TNKS1BP1: variants seen among roughly 807,000 people sequenced by gnomAD.
TNKS1BP1 encodes 182 kDa tankyrase-1-binding protein.
A neutral mutation model predicts 141.1 loss-of-function variants in TNKS1BP1; 48 were observed. The observed-to-expected ratio is 0.34, with a 90% CI of 0.27 to 0.43. The LOEUF is 0.43. Ranked by LOEUF, TNKS1BP1 falls within the 20% of genes least tolerant of loss-of-function variation. The pLI is 1.00. For missense variants in TNKS1BP1, 2,149 were observed against 2,226.0 expected, an observed-to-expected ratio of 0.97 and a Z score of 0.70; for synonymous variants, 875 against 898.2, an observed-to-expected ratio of 0.97 and a Z score of 0.46.
At position 57,308,703 on chromosome 11, in the gene TNKS1BP1, TCCCCGTAG is replaced by T; in HGVS notation, c.4000_4007del (p.Leu1334MetfsTer25). 6.2e-7 allele frequency: 1 copy of T among 1,608,746 alleles called. No individual in the cohort carries two copies. Among genetic ancestry groups the T allele is most frequent in the Non-Finnish European group, 8.5e-7 (1 of 1,177,746 alleles). On this transcript the variant is annotated frameshift_variant, in exon 6 of 12. Transcript: ENST00000358252. LOFTEE classifies it high-confidence loss of function. Reference sequence around the variant, plus strand: ...TCCAGTCCATCTGCCCCACTCCACATCCCCGTAGCCCCTGAGAACCTCCAGAGTCTGGG... The same window carrying T: ...TCCAGTCCATCTGCCCCACTCCACATCCCCTGAGAACCTCCAGAGTCTGGG...
At chr11:57,310,836 C>T (rs1042964094) in intron 5 of TNKS1BP1, among the ~76,000 whole-genome samples, 3 of 152,166 alleles carry the variant, frequency 2.0e-5, no homozygotes, top group Non-Finnish European at 2.9e-5. Flanking sequence ...GGCACTCAAT[C>T]GATGGTCCCA....
intron 5 of TNKS1BP1, chr11:57,311,337 G>A: frequency 2.0e-6 from 2 of 985,780 alleles, no homozygotes; most frequent in Non-Finnish European, 2.4e-6. Context: ...TAGACATGCT[G>A]GCCTCCCCAT....
At position 57,301,822 on chromosome 11, in the gene TNKS1BP1, G is replaced by T; in HGVS notation, c.4956C>A (p.Ser1652Arg). 1 of 1,614,048 alleles carries T rather than the reference G, an allele frequency of 6.2e-7. No homozygotes were observed. Among genetic ancestry groups the T allele is most frequent in the South Asian group, 1.1e-5 (1 of 91,074 alleles). ...CAGATGGTACCTTCAGGGCTGAGGG[G>T]CTCAGGCCAGGAAAGAGGTTGACTT... is the stretch of plus-strand genomic sequence containing the variant. ...GLKVNLFPGL[S>R]PSALKAKLRP... The change falls in exon 9 of 12, where the codon AGC (serine) becomes AGA (arginine). Residue 1652 changes from serine (S) to arginine (R), a missense_variant. Physicochemically the swap from Ser to Arg is moderately radical, Grantham distance 110 (BLOSUM62 -1). Coordinates refer to ENST00000358252, the MANE Select transcript of TNKS1BP1 (RefSeq NM_033396.3).
At position 57,320,380 on chromosome 11, in the gene TNKS1BP1, G is replaced by A. The variant is rs1448251223; in HGVS notation, c.427C>T (p.Arg143Trp). 2.9e-5 allele frequency: 47 copies of A among 1,613,806 alleles called. No homozygotes were observed. Among genetic ancestry groups the A allele is most frequent in the Middle Eastern group, 1.6e-4 (1 of 6,080 alleles). ...PARCAAPGGV[R>W]KAPAPFRPAS... ...GGGCGGAAAGGGGCAGGGGCCTTCC[G>A]TACACCCCCTGGGGCTGCACATCGA... is the stretch of plus-strand genomic sequence containing the variant. The change falls in exon 3 of 12, where the codon CGG (arginine) becomes TGG (tryptophan). Residue 143 changes from arginine (R) to tryptophan (W), a missense_variant. Coordinates refer to ENST00000358252, the MANE Select transcript of TNKS1BP1 (RefSeq NM_033396.3).
intron 1 of TNKS1BP1, 65 bp from the exon 2 acceptor site, chr11:57,322,015 G>A: frequency 7.9e-7 from 1 of 1,269,146 alleles, no homozygotes; most frequent in South Asian, 1.5e-5. Context: ...TTAGCAGAGA[G>A]AAGTCTCCTA....
At chr11:57,300,819 G>C in intron 10 of TNKS1BP1, 65 bp downstream of exon 10, 1 of 1,568,896 alleles carries the variant, frequency 6.4e-7, no homozygotes, top group Non-Finnish European at 8.7e-7. Flanking sequence ...TGTGAAGTGA[G>C]AGTTTCCCTT....
chr11:57,308,278 C>T (rs1855643002), intron 6 of TNKS1BP1, 117 bp downstream of exon 6: 7 of 1,418,500 alleles, frequency 4.9e-6, no homozygotes, highest in Admixed American at 2.4e-5. Context: ...GTCTCAATTA[C>T]CCAAACACTA....
At chr11:57,310,931 T>C (rs1306121057) in intron 5 of TNKS1BP1, among the ~76,000 whole-genome samples, 1 of 152,160 alleles carries the variant, frequency 6.6e-6, no homozygotes. Context: ...GGCAGTGCAC[T>C]TTCCTTTTGA....
At chr11:57,301,223 C>T (rs887340636) in intron 9 of TNKS1BP1, among the ~76,000 whole-genome samples, 182 bp from the exon 10 acceptor site, 1 of 152,140 alleles carries the variant, frequency 6.6e-6, no homozygotes, top group African/African-American at 2.4e-5. Context: ...CTGAGCTATG[C>T]CTTGCACACC....
intron 6 of TNKS1BP1, among the ~76,000 whole-genome samples, chr11:57,307,950 T>G (rs1042287444): frequency 1.3e-5 from 2 of 152,220 alleles, no homozygotes; most frequent in African/African-American, 4.8e-5. Flanking sequence ...TGGGTTCCAC[T>G]GTCCACTCCA....
At chr11:57,315,065 T>C (rs1855777073) in intron 4 of TNKS1BP1, among the ~76,000 whole-genome samples, 1 of 152,170 alleles carries the variant, frequency 6.6e-6, no homozygotes, top group African/African-American at 2.4e-5. Context: ...TTGTGATAGC[T>C]TACAGTCATC....
At position 57,312,642 on chromosome 11, in the gene TNKS1BP1, G is replaced by T; in HGVS notation, c.2046C>A (p.Ser682=). 1 of 1,583,464 alleles carries T rather than the reference G, an allele frequency of 6.3e-7. No individual in the cohort carries two copies. The highest frequency in any genetic ancestry group is 8.6e-7 in the Non-Finnish European group (1 of 1,165,252). Residue 682 remains serine, a synonymous_variant, in exon 5 of 12, where the codon TCC becomes TCA. Transcript: ENST00000358252. ...AAGCCAGGAGGTCGTCCAGCCAGCG[G>T]GAGCTGCTTTCAGGGCCTGGAGGCT... ...SPEPPGPESS[S]RWLDDLLASP...
intron 1 of TNKS1BP1, chr11:57,322,427 T>G: frequency 1.9e-6 from 1 of 516,838 alleles, no homozygotes; most frequent in Non-Finnish European, 2.5e-6. Context: ...CTTCCCTCTC[T>G]CCCTCCCTCC....
rs764368912 is a variant in TNKS1BP1 at position 57,308,517 on chromosome 11, C to A, written c.4194G>T (p.Glu1398Asp). The A allele has an allele frequency of 1.9e-6, 3 of 1,614,088 alleles. No homozygotes were observed. In the African/African-American group the frequency reaches 4.0e-5, roughly 22 times the overall value. ...LEARDPLEARELGVGETSGPE... is the reference protein window; with the variant it reads ...LEARDPLEARDLGVGETSGPE... ...GCCCACTTGTCTCACCAACCCCCAGCTCCCTGGCCTCCAAGGGGTCTCTGG... is the reference window on the plus strand; with the variant it reads ...GCCCACTTGTCTCACCAACCCCCAGATCCCTGGCCTCCAAGGGGTCTCTGG... The change falls in exon 6 of 12, where the codon GAG (glutamate) becomes GAT (aspartate). Residue 1398 changes from glutamate (E) to aspartate (D), a missense_variant. Transcript: ENST00000358252.
chr11:57,314,868 G>C (rs1316472914), intron 4 of TNKS1BP1, among the ~76,000 whole-genome samples: 1 of 152,104 alleles, frequency 6.6e-6, no homozygotes, highest in East Asian at 1.9e-4. Context: ...GCAAAATAAA[G>C]GGTCCTGCTT....
intron 1 of TNKS1BP1, chr11:57,322,309 A>C (rs1013221334): frequency 1.0e-6 from 1 of 999,392 alleles, no homozygotes; most frequent in South Asian, 4.4e-5. Flanking sequence ...AGAGAGCTGC[A>C]AAGTATGAAG....
At chr11:57,300,857 C>A (rs760424989) in intron 10 of TNKS1BP1, 27 bp downstream of exon 10, 1 of 1,605,692 alleles carries the variant, frequency 6.2e-7, no homozygotes, top group Non-Finnish European at 8.5e-7. Flanking sequence ...GTGAGGTCAG[C>A]GGATGCCCAG....
chr11:57,300,721 A>C, intron 10 of TNKS1BP1, 121 bp from the exon 11 acceptor site: 1 of 1,502,604 alleles, frequency 6.7e-7, no homozygotes, highest in Non-Finnish European at 9.2e-7. Context: ...GCCTGGCTGC[A>C]GGGACCCAAA....
chr11:57,310,866 T>G (rs961133594), intron 5 of TNKS1BP1, among the ~76,000 whole-genome samples: 8 of 152,188 alleles, frequency 5.3e-5, no homozygotes, highest in African/African-American at 1.9e-4. Flanking sequence ...TTACAACTCT[T>G]GGGCAATACT....
Sources: allele counts gnomAD v4.1 joint callset (sites outside exome capture counted in the v4.1 genomes callset), GRCh38; gene constraint gnomAD v4.1.1; transcripts MANE v1.5; gene names NCBI Gene and HGNC (gene_info 2026-07-23, HGNC 2026-07-21).